ANP32B: variants seen among roughly 807,000 people sequenced by gnomAD.
ANP32B encodes acidic leucine-rich nuclear phosphoprotein 32 family member B.
ANP32B carries 6 observed loss-of-function variants against 32.2 expected under a neutral mutation model. The ratio of observed to expected loss-of-function variants is 0.19; its 90% confidence interval spans 0.10 to 0.37. The LOEUF is 0.37. Ranked by LOEUF, ANP32B falls within the 10% of genes least tolerant of loss-of-function variation. ANP32B has a pLI of 1.00. For synonymous variants in ANP32B, 98 were observed against 105.8 expected, an observed-to-expected ratio of 0.93 and a Z score of 0.45; for missense variants, 204 against 289.2, an observed-to-expected ratio of 0.71 and a Z score of 2.14.
intron 2 of ANP32B, 149 bp downstream of exon 2, chr9:97,994,929 C>T (rs574543686): frequency 1.3e-6 from 1 of 743,912 alleles, no homozygotes; most frequent in South Asian, 2.5e-5. Flanking sequence ...CCTAGCATTT[C>T]CTTGATGGGC....
At chr9:98,006,010 C>G (rs1271928396) in intron 4 of ANP32B, among the ~76,000 whole-genome samples, 1 of 152,060 alleles carries the variant, frequency 6.6e-6, no homozygotes, top group South Asian at 2.1e-4. Flanking sequence ...CTCATAGGAA[C>G]GAGAATCCTA....
chr9:97,985,508 C>A (rs913345260), intron 1 of ANP32B, among the ~76,000 whole-genome samples: 1 of 152,180 alleles, frequency 6.6e-6, no homozygotes, highest in African/African-American at 2.4e-5. Context: ...GAGAGGCTTT[C>A]TTGGCTTGAG....
chr9:98,006,159 G>A (rs371274410), intron 4 of ANP32B, among the ~76,000 whole-genome samples: 2 of 152,170 alleles, frequency 1.3e-5, no homozygotes, highest in East Asian at 3.8e-4. Context: ...TGCAAATACA[G>A]ATTAACATTA....
rs569110910 is a variant in ANP32B at position 98,014,321 on chromosome 9, C to T, written c.689-1043C>T. Among the ~76,000 whole-genome samples the T allele has an allele frequency of 1.6e-4, 24 of 151,472 alleles. No homozygotes were observed. In the South Asian group the frequency reaches 1.7e-3, roughly 11 times the overall value. On this transcript the variant is annotated intron_variant, in intron 6 of 6. Coordinates refer to ENST00000339399, the MANE Select transcript of ANP32B (RefSeq NM_006401.3). ...TACTCGGGAGGCTGAGTCAGGAGAA[C>T]GGCATGAACCCGGGAGGCGGAGCTT... is the stretch of plus-strand genomic sequence containing the variant.
At chr9:98,005,878 A>G (rs942262003) in intron 4 of ANP32B, among the ~76,000 whole-genome samples, 1 of 152,144 alleles carries the variant, frequency 6.6e-6, no homozygotes, top group Non-Finnish European at 1.5e-5. Flanking sequence ...CTACTCCATG[A>G]CCTGTTAGAA....
intron 1 of ANP32B, among the ~76,000 whole-genome samples, chr9:97,985,603 C>T (rs940979819): frequency 1.3e-5 from 2 of 152,150 alleles, no homozygotes. Flanking sequence ...AAAGTGCCCG[C>T]AAGAGAAGTA....
At chr9:98,007,916 A>C (rs554141967) in intron 4 of ANP32B, among the ~76,000 whole-genome samples, 1 of 152,324 alleles carries the variant, frequency 6.6e-6, no homozygotes, top group South Asian at 2.1e-4. Flanking sequence ...ATCACTGGCC[A>C]GAGTTTTTGA....
rs1828044806 is a variant in ANP32B, at chr9:98,004,474, T to C, written c.328-490T>C. 6.6e-5 allele frequency among the ~76,000 whole-genome samples: 10 copies of C among 152,202 alleles called. 1 individual carries two copies. Among genetic ancestry groups the C allele is most frequent in the Admixed American group, 6.5e-4 (10 of 15,280 alleles). On this transcript the variant is annotated intron_variant, in intron 3 of 6. Coordinates refer to ENST00000339399, the MANE Select transcript of ANP32B (RefSeq NM_006401.3). ...TTATATTTTATTATATTTCATCCTC[T>C]AGTGTTTCATGTCTGTGCCCTAACT...
chr9:98,007,640 C>T (rs767240161), intron 4 of ANP32B, among the ~76,000 whole-genome samples: 1 of 152,152 alleles, frequency 6.6e-6, no homozygotes, highest in Non-Finnish European at 1.5e-5. Flanking sequence ...ACAGATGGAG[C>T]GGCTGCCATG....
intron 1 of ANP32B, among the ~76,000 whole-genome samples, chr9:97,994,396 A>G (rs2131583928): frequency 6.6e-6 from 1 of 152,328 alleles, no homozygotes; most frequent in African/African-American, 2.4e-5. Flanking sequence ...CTGGAAAAAC[A>G]AAGAGCGTAA....
chr9:97,994,420 T>C (rs538490815), intron 1 of ANP32B, among the ~76,000 whole-genome samples: 2 of 152,376 alleles, frequency 1.3e-5, no homozygotes, highest in African/African-American at 4.8e-5. Flanking sequence ...TTTATACCCA[T>C]GGAATAATAT....
intron 2 of ANP32B, among the ~76,000 whole-genome samples, chr9:97,996,193 C>T (rs945132113): frequency 6.6e-6 from 1 of 152,104 alleles, no homozygotes; most frequent in Non-Finnish European, 1.5e-5. Flanking sequence ...AGCTTTTTAG[C>T]ATCTATTTAC....
Position 98,006,093 on chromosome 9 carries a change from G to GGAGCTGAGGTGGTGATGCTA in ANP32B, c.517+962_517+981dup, listed in dbSNP as rs556403750. Among the ~76,000 whole-genome samples the GGAGCTGAGGTGGTGATGCTA allele has an allele frequency of 0.045, 6,864 of 152,014 alleles. 846 individuals are homozygous for GGAGCTGAGGTGGTGATGCTA. The East Asian group carries it at 0.46, about 10-fold the overall frequency. On this transcript the variant is annotated intron_variant, in intron 4 of 6. Coordinates refer to ENST00000339399, the MANE Select transcript of ANP32B (RefSeq NM_006401.3). ...AATCTAATGCCTGATGATCCGAGGT[G>GGAGCTGAGGTGGTGATGCTA]GAGCTGAGGTGGTGATGCTAGAGCT...
At chr9:98,000,645 T>C (rs536543450) in intron 3 of ANP32B, among the ~76,000 whole-genome samples, 2 of 152,152 alleles carry the variant, frequency 1.3e-5, no homozygotes, top group Admixed American at 6.5e-5. Flanking sequence ...AAGTCTAGGC[T>C]GGGCACGGTG....
At chr9:97,991,227 T>C (rs1827820651) in intron 1 of ANP32B, among the ~76,000 whole-genome samples, 1 of 151,940 alleles carries the variant, frequency 6.6e-6, no homozygotes, top group South Asian at 2.1e-4. Flanking sequence ...GTGATCCTCC[T>C]GCATCAGCCT....
intron 1 of ANP32B, chr9:97,987,682 T>A (rs1001144667): frequency 6.6e-6 from 1 of 152,254 alleles, no homozygotes; most frequent in African/African-American, 2.4e-5. Flanking sequence ...TGGCTTGCAG[T>A]CTATGCACCT....
In ANP32B at chr9:97,983,456, C is replaced by CA; in HGVS notation, c.-97dup. On this transcript the variant is annotated 5_prime_UTR_variant, in exon 1 of 7. Coordinates refer to ENST00000339399, the MANE Select transcript of ANP32B (RefSeq NM_006401.3). ...CCGCGCCGCCGGCCTCCGCCGCTAGCAAACCCTTCCGACGGCCCTCGCTGC... is the reference window on the plus strand; with the variant it reads ...CCGCGCCGCCGGCCTCCGCCGCTAGCAAAACCCTTCCGACGGCCCTCGCTGC... 4.3e-6 allele frequency: 5 copies of CA among 1,158,064 alleles called. No individual in the cohort carries two copies. The South Asian group carries it at 6.9e-5, about 16-fold the overall frequency. 71.7% of individuals were successfully genotyped at this position (1,158,064 alleles called of 1,614,324 possible).
chr9:97,993,961 T>C (rs572388072), intron 1 of ANP32B, among the ~76,000 whole-genome samples: 233 of 152,340 alleles, frequency 1.5e-3, no homozygotes, highest in African/African-American at 5.5e-3. Flanking sequence ...TGGACTTAAA[T>C]TCTGAAAAAG....
chr9:98,012,889 C>A (rs1001546327), intron 6 of ANP32B, among the ~76,000 whole-genome samples: 2 of 152,220 alleles, frequency 1.3e-5, no homozygotes, highest in African/African-American at 4.8e-5. Context: ...TGCCACCACG[C>A]CCAGCTAATT....
Sources: allele counts gnomAD v4.1 joint callset (sites outside exome capture counted in the v4.1 genomes callset), GRCh38; gene constraint gnomAD v4.1.1; transcripts MANE v1.5; gene names NCBI Gene and HGNC (gene_info 2026-07-23, HGNC 2026-07-21).